Variants in TTLL7 observed in about 807,000 individuals in gnomAD.
TTLL7 encodes the protein tubulin tyrosine ligase like 7.
Under a neutral mutation model 120.2 loss-of-function variants are expected in TTLL7, and 53 were observed. That is an observed-to-expected ratio of 0.44 (90% CI 0.35 to 0.55). The LOEUF is 0.55. Among genes scored for constraint, TTLL7 ranks in the 20% least tolerant of loss-of-function variants. TTLL7 has a pLI of 0.00. For missense variants in TTLL7, 803 were observed against 1,054.7 expected, an observed-to-expected ratio of 0.76 and a Z score of 3.31; for synonymous variants, 353 against 351.7, an observed-to-expected ratio of 1.00 and a Z score of -0.04.
intron 1 of TTLL7, among the ~76,000 whole-genome samples, chr1:83,986,250 A>G (rs1356581784): frequency 6.6e-6 from 1 of 152,188 alleles, no homozygotes; most frequent in Non-Finnish European, 1.5e-5. Context: ...TGTATAATAT[A>G]TGTATAAGTA....
rs897098631 is a variant in TTLL7, at chr1:83,936,261, C to G, written c.888+1591G>C. On this transcript the variant is annotated intron_variant, in intron 8 of 20. Transcript: ENST00000260505. ...ATGACCCTCATTATTCTCCCTGATT[C>G]TCTCTATACATGCCTCACCAAAGCA... Among the ~76,000 whole-genome samples the G allele has an allele frequency of 2.0e-5, 3 of 152,142 alleles. No homozygotes were observed. The South Asian group carries it at 6.2e-4, about 32-fold the overall frequency.
chr1:83,937,755 A>C (rs571617458), intron 8 of TTLL7, 97 bp downstream of exon 8: 1 of 1,433,926 alleles, frequency 7.0e-7, no homozygotes, highest in South Asian at 1.2e-5. Context: ...ATAGGGAACC[A>C]AGTTCAATCA....
At chr1:83,893,397 T>G (rs34076535) in intron 18 of TTLL7, among the ~76,000 whole-genome samples, 71,770 of 151,368 alleles carry the variant, frequency 0.47, 18,015 homozygotes, top group Non-Finnish European at 0.57. Context: ...GAAAAAAAAA[T>G]GAACACCAAA....
intron 8 of TTLL7, among the ~76,000 whole-genome samples, chr1:83,935,380 T>C (rs1647291584): frequency 6.6e-6 from 1 of 152,126 alleles, no homozygotes; most frequent in Non-Finnish European, 1.5e-5. Flanking sequence ...TTTTAGATTG[T>C]AAAGGCAAGT....
At chr1:83,892,713 A>T (rs1293097555) in intron 18 of TTLL7, among the ~76,000 whole-genome samples, 1 of 37,466 alleles carries the variant, frequency 2.7e-5, no homozygotes. Context: ...TGAACATATG[A>T]ACATATATAT....
chr1:83,978,684 CA>C (rs1256200413), intron 1 of TTLL7, among the ~76,000 whole-genome samples: 2 of 151,750 alleles, frequency 1.3e-5, no homozygotes, highest in Admixed American at 6.6e-5. Flanking sequence ...AGAAGGCTTT[CA>C]AAAAAGGAAG....
At chr1:83,942,840 T>A (rs1334568391) in intron 6 of TTLL7, among the ~76,000 whole-genome samples, 161 bp from the exon 7 acceptor site, 1 of 152,208 alleles carries the variant, frequency 6.6e-6, no homozygotes, top group African/African-American at 2.4e-5. Context: ...GAATCAACTT[T>A]TTGTAACCCC....
At chr1:83,882,818 T>C (rs1248261644) in intron 20 of TTLL7, 145 bp downstream of exon 20, 3 of 830,990 alleles carry the variant, frequency 3.6e-6, no homozygotes, top group Admixed American at 2.8e-5. Flanking sequence ...TAATTAAAAA[T>C]ATTTTGCAGA....
intron 18 of TTLL7, among the ~76,000 whole-genome samples, chr1:83,891,769 T>C (rs986954798): frequency 2.0e-5 from 3 of 152,000 alleles, no homozygotes; most frequent in African/African-American, 2.4e-5. Context: ...ACACACAAGA[T>C]AGAACATCTT....
chr1:83,883,120 T>A lies in TTLL7; in HGVS notation c.2386A>T (p.Ile796Leu), dbSNP rs745306212. 5 of 1,605,914 alleles carry A rather than the reference T, an allele frequency of 3.1e-6. No individual in the cohort carries two copies. The South Asian group carries it at 5.6e-5, about 18-fold the overall frequency. Residue 796 changes from isoleucine (I) to leucine (L), a missense_variant, in exon 20 of 21, where the codon ATA becomes TTA. By Grantham distance (5) the Ile-to-Leu change is conservative. Coordinates refer to ENST00000260505, the MANE Select transcript of TTLL7 (RefSeq NM_024686.6). ...FCDSGSSWESIFNKSPEVVTP... is the reference protein window; with the variant it reads ...FCDSGSSWESLFNKSPEVVTP... Reference sequence around the variant, plus strand: ...ACCACCTCCGGGCTTTTATTGAATATACTCTCCCAAGAGGATCTGTTGGCA... The same window carrying A: ...ACCACCTCCGGGCTTTTATTGAATAAACTCTCCCAAGAGGATCTGTTGGCA...
At chr1:83,932,881 G>C (rs941434257) in intron 9 of TTLL7, among the ~76,000 whole-genome samples, 2 of 152,128 alleles carry the variant, frequency 1.3e-5, no homozygotes, top group Non-Finnish European at 2.9e-5. Flanking sequence ...TGCTGGATGG[G>C]ATCTTCTGGA....
chr1:83,878,946 C>A (rs61316582), intron 20 of TTLL7, among the ~76,000 whole-genome samples: 1 of 151,944 alleles, frequency 6.6e-6, no homozygotes, highest in Non-Finnish European at 1.5e-5. Flanking sequence ...CCAAACCTGT[C>A]TGCTGTTAGC....
At chr1:83,971,333 T>C (rs1017056757) in intron 1 of TTLL7, among the ~76,000 whole-genome samples, 20 of 152,242 alleles carry the variant, frequency 1.3e-4, no homozygotes, top group African/African-American at 4.8e-4. Flanking sequence ...TTAGCACTGA[T>C]TCTTAGCAAG....
chr1:83,946,934 T>A (rs1648561857), intron 6 of TTLL7, among the ~76,000 whole-genome samples, 190 bp downstream of exon 6: 1 of 152,214 alleles, frequency 6.6e-6, no homozygotes, highest in Non-Finnish European at 1.5e-5. Flanking sequence ...TTAATTGAAT[T>A]ACTGAAGCCT....
chr1:83,976,154 G>A (rs898361977), intron 1 of TTLL7, among the ~76,000 whole-genome samples: 2 of 151,114 alleles, frequency 1.3e-5, no homozygotes, highest in East Asian at 3.9e-4. Flanking sequence ...AAAGATATTC[G>A]AACTAGAGAT....
At chr1:83,998,239 G>T (rs142268917) in intron 1 of TTLL7, among the ~76,000 whole-genome samples, 292 of 152,238 alleles carry the variant, frequency 1.9e-3, no homozygotes, top group Admixed American at 3.1e-3. Context: ...GGATTATGAT[G>T]ATTTAATAAA....
rs1225396988 is a variant in TTLL7 at position 83,907,413 on chromosome 1, C to A, written c.1992+43G>T. On this transcript the variant is annotated intron_variant, in intron 16 of 20. Transcript: ENST00000260505. ...TCATCTGATCCCCTTTGCCTGAGTA[C>A]AGAGCTCCCTGTAATCTTGAAAGAG... 3.2e-6 allele frequency: 5 copies of A among 1,575,574 alleles called. No homozygotes were observed. The African/African-American group carries it at 6.8e-5, about 21-fold the overall frequency.
intron 18 of TTLL7, among the ~76,000 whole-genome samples, chr1:83,898,883 T>C (rs992027663): frequency 1.3e-5 from 2 of 151,866 alleles, no homozygotes; most frequent in Admixed American, 6.6e-5. Context: ...ACTTACTAAG[T>C]AGAAAAAATT....
intron 20 of TTLL7, among the ~76,000 whole-genome samples, chr1:83,878,195 G>C (rs891478308): frequency 2.0e-5 from 3 of 150,774 alleles, no homozygotes; most frequent in African/African-American, 7.3e-5. Context: ...TGTGAAATTT[G>C]GGTTTGTTTT....
Sources: allele counts gnomAD v4.1 joint callset (sites outside exome capture counted in the v4.1 genomes callset), GRCh38; gene constraint gnomAD v4.1.1; transcripts MANE v1.5; gene names NCBI Gene and HGNC (gene_info 2026-07-23, HGNC 2026-07-21).